MTR: variants seen among roughly 807,000 people sequenced by gnomAD.
MTR encodes methionine synthase.
A neutral mutation model predicts 154.8 loss-of-function variants in MTR; 84 were observed. The ratio of observed to expected loss-of-function variants is 0.54; its 90% CI spans 0.45 to 0.65. The LOEUF (loss-of-function observed/expected upper bound fraction) is 0.65. Among genes scored for constraint, MTR ranks in the 30% least tolerant of loss-of-function variants. The pLI, the probability that MTR is intolerant of heterozygous loss-of-function variation, is 0.00. For missense variants in MTR, 1,275 were observed against 1,570.2 expected, an observed-to-expected ratio of 0.81 and a Z score of 3.18; for synonymous variants, 554 against 553.9, an observed-to-expected ratio of 1.00 and a Z score of 0.00.
chr1:236,810,809 A>G lies in MTR; in HGVS notation c.502+214A>G, dbSNP rs115802734. Among the ~76,000 whole-genome samples, 473 of 152,318 alleles carry G rather than the reference A, an allele frequency of 3.1e-3. 1 individual carries two copies. Among genetic ancestry groups the G allele is most frequent in the African/African-American group, 0.011 (438 of 41,570 alleles). ...TTATTATTATTTGAACTTGCTTTCA[A>G]ATATATATGGTGGTGTGTTAATGCT... On this transcript the variant is annotated intron_variant, in intron 5 of 32. Coordinates refer to ENST00000366577, the MANE Select transcript of MTR (RefSeq NM_000254.3).
chr1:236,821,195 A>G (rs1161129504), intron 8 of MTR, among the ~76,000 whole-genome samples: 1 of 152,256 alleles, frequency 6.6e-6, no homozygotes, highest in East Asian at 1.9e-4. Context: ...GTAGCATGGC[A>G]GAAAAGTGAA....
At position 236,795,587 on chromosome 1, in the gene MTR, C is replaced by T. The variant is rs760617129; in HGVS notation, c.-117C>T. The stretch of plus-strand genomic sequence containing the variant: ...GAGCCAACGGGAGGCGTCAAAAGAC[C>T]CGGGCCTTGTGTGGCAGGCTCGCCT... On this transcript the variant is annotated 5_prime_UTR_variant, in exon 1 of 33. Coordinates refer to ENST00000366577, the MANE Select transcript of MTR (RefSeq NM_000254.3). 3 of 1,589,938 alleles carry T rather than the reference C, an allele frequency of 1.9e-6. No individual in the cohort carries two copies. Among genetic ancestry groups the T allele is most frequent in the Non-Finnish European group, 2.6e-6 (3 of 1,172,426 alleles).
Position 236,795,487 on chromosome 1 carries a change from C to T in MTR, c.-217C>T. Reference sequence around the variant, plus strand: ...CCCGGGAAGAAAGCACGTGCTCCAGCAGTTGCCGCGCCCAGCCCCGAGAGA... The same window carrying T: ...CCCGGGAAGAAAGCACGTGCTCCAGTAGTTGCCGCGCCCAGCCCCGAGAGA... On this transcript the variant is annotated 5_prime_UTR_variant, in exon 1 of 33. Coordinates refer to ENST00000366577, the MANE Select transcript of MTR (RefSeq NM_000254.3). 6.6e-7 allele frequency: 1 copy of T among 1,516,258 alleles called. No homozygotes were observed. Among genetic ancestry groups the T allele is most frequent in the Non-Finnish European group, 8.8e-7 (1 of 1,133,968 alleles). 93.9% of individuals were successfully genotyped at this position (1,516,258 alleles called of 1,614,324 possible). A position where few individuals can be genotyped will look rare whatever the true frequency, so the allele number is the denominator to read the frequency against.
intron 25 of MTR, among the ~76,000 whole-genome samples, chr1:236,882,729 C>G (rs1394487575): frequency 6.6e-6 from 1 of 152,190 alleles, no homozygotes; most frequent in Non-Finnish European, 1.5e-5. Flanking sequence ...CAGTGGGGGC[C>G]TTGCTGAAAG....
At chr1:236,795,792 G>A (rs1660343415) in intron 1 of MTR, 55 bp downstream of exon 1, 1 of 1,613,018 alleles carries the variant, frequency 6.2e-7, no homozygotes, top group African/African-American at 1.3e-5. Context: ...CTCGTGCTGT[G>A]GCCTCCTAAT....
At chr1:236,844,663 A>G (rs867267123) in intron 15 of MTR, among the ~76,000 whole-genome samples, 7 of 152,176 alleles carry the variant, frequency 4.6e-5, no homozygotes, top group Non-Finnish European at 7.3e-5. Flanking sequence ...GCTTTAGATC[A>G]GTAGCTGGAC....
intron 14 of MTR, 39 bp from the exon 15 acceptor site, chr1:236,838,375 T>C (rs1663028652): frequency 1.9e-6 from 3 of 1,601,862 alleles, no homozygotes; most frequent in Admixed American, 3.3e-5. Flanking sequence ...TATAGTGACC[T>C]GTGGCCTCTG....
intron 13 of MTR, among the ~76,000 whole-genome samples, chr1:236,834,147 C>G (rs1662771396): frequency 1.3e-5 from 2 of 152,270 alleles, no homozygotes; most frequent in Non-Finnish European, 2.9e-5. Flanking sequence ...AGTATTGATA[C>G]TAGAAAACAT....
intron 15 of MTR, among the ~76,000 whole-genome samples, chr1:236,841,617 G>A (rs1663238981): frequency 6.6e-6 from 1 of 150,506 alleles, no homozygotes; most frequent in Admixed American, 6.6e-5. Flanking sequence ...TAGGTTTTTA[G>A]AACTCATAAT....
At position 236,797,957 on chromosome 1, in the gene MTR, CCAAAAAAAAA is replaced by C. The variant is rs1406280669; in HGVS notation, c.34+2226_34+2235del. Among the ~76,000 whole-genome samples, 3 of 131,994 alleles carry C rather than the reference CCAAAAAAAAA, an allele frequency of 2.3e-5. No homozygotes were observed. In the East Asian group the frequency reaches 6.3e-4, roughly 28 times the overall value. The allele number at this position is 131,994 out of a possible 152,430, so 86.6% of individuals were successfully genotyped here. A position where few individuals can be genotyped will look rare whatever the true frequency, so the allele number is the denominator to read the frequency against. ...TGGGTGAGAGAGTGAGACTTAGTCT[CCAAAAAAAAA>C]CAAAACAAAACAAAACAAAACCAAA... On this transcript the variant is annotated intron_variant, in intron 1 of 32. Coordinates refer to ENST00000366577, the MANE Select transcript of MTR (RefSeq NM_000254.3).
At chr1:236,803,904 T>A (rs2103015083) in intron 2 of MTR, among the ~76,000 whole-genome samples, 1 of 152,300 alleles carries the variant, frequency 6.6e-6, no homozygotes, top group East Asian at 1.9e-4. Flanking sequence ...AAATAAGGGT[T>A]TTCACACTAG....
At chr1:236,814,783 A>C (rs918388303) in intron 6 of MTR, among the ~76,000 whole-genome samples, 1 of 152,150 alleles carries the variant, frequency 6.6e-6, no homozygotes, top group African/African-American at 2.4e-5. Flanking sequence ...CAGAACTTTC[A>C]TGGCTATTCT....
At chr1:236,883,928 A>G (rs1017585321) in intron 25 of MTR, among the ~76,000 whole-genome samples, 3 of 152,214 alleles carry the variant, frequency 2.0e-5, no homozygotes, top group Non-Finnish European at 2.9e-5. Context: ...CTGCTGGAGA[A>G]TGCAGGGATG....
rs1487235893 is a variant in MTR at position 236,894,622 on chromosome 1, G to C, written c.3405+65G>C. The C allele has an allele frequency of 1.9e-6, 3 of 1,571,690 alleles. No individual in the cohort carries two copies. The East Asian group carries it at 6.7e-5, about 35-fold the overall frequency. On this transcript the variant is annotated intron_variant, in intron 30 of 32. Coordinates refer to ENST00000366577, the MANE Select transcript of MTR (RefSeq NM_000254.3). ...GCCAGGCAGTAGGGAGCCTGGGGTG[G>C]GTGCCTGAAGACTGATCAGCCCTTA... is the stretch of plus-strand genomic sequence containing the variant.
At chr1:236,849,008 G>A (rs1200753540) in intron 15 of MTR, among the ~76,000 whole-genome samples, 4 of 151,960 alleles carry the variant, frequency 2.6e-5, no homozygotes, top group South Asian at 4.2e-4. Context: ...AACATTTTTC[G>A]CGTTCATTGA....
rs1236967841 is a variant in MTR at position 236,803,416 on chromosome 1, C to T, written c.35-12C>T. 1.5e-5 allele frequency: 24 copies of T among 1,612,796 alleles called. No homozygotes were observed. Among genetic ancestry groups the T allele is most frequent in the Non-Finnish European group, 2.0e-5 (24 of 1,179,028 alleles). ...TTCATTCTTTGAAGTCAAACTTTCACTTTCTTTAAAGAAGGTCTGAAGAAA... is the reference window on the plus strand; with the variant it reads ...TTCATTCTTTGAAGTCAAACTTTCATTTTCTTTAAAGAAGGTCTGAAGAAA... On this transcript the variant is annotated splice_polypyrimidine_tract_variant and intron_variant, in intron 1 of 32. Transcript: ENST00000366577.
In MTR at chr1:236,795,463, C is replaced by T; in HGVS notation, c.-241C>T. The stretch of plus-strand genomic sequence containing the variant: ...CCGACACCAAGGACTGGCCGGGTAC[C>T]CGGGAAGAAAGCACGTGCTCCAGCA... On this transcript the variant is annotated 5_prime_UTR_variant, in exon 1 of 33. Transcript: ENST00000366577. The T allele has an allele frequency of 1.6e-5, 24 of 1,503,088 alleles. No individual in the cohort carries two copies. The highest frequency in any genetic ancestry group is 2.1e-5 in the Non-Finnish European group (24 of 1,125,480). The allele number at this position is 1,503,088 out of a possible 1,614,324, so 93.1% of individuals were successfully genotyped here.
At chr1:236,881,662 C>T (rs1665743208) in intron 25 of MTR, among the ~76,000 whole-genome samples, 1 of 152,144 alleles carries the variant, frequency 6.6e-6, no homozygotes, top group Non-Finnish European at 1.5e-5. Flanking sequence ...GCGAGACTTC[C>T]AGTGATGCCA....
chr1:236,875,341 G>A (rs1665370543), intron 24 of MTR, among the ~76,000 whole-genome samples: 1 of 152,128 alleles, frequency 6.6e-6, no homozygotes, highest in African/African-American at 2.4e-5. Flanking sequence ...GTCACTTTGG[G>A]GAGTTCCTGA....
Sources: gnomAD v4.1 joint callset for allele counts (sites outside exome capture counted in the v4.1 genomes callset) on GRCh38, gnomAD v4.1.1 for gene constraint, MANE v1.5 for transcripts, NCBI Gene and HGNC (gene_info 2026-07-23, HGNC 2026-07-21) for gene names.